Variants in TRIML2 observed in about 807,000 individuals in gnomAD.
The protein encoded by TRIML2 is tripartite motif family like 2.
A neutral mutation model predicts 31.2 loss-of-function variants in TRIML2; 28 were observed. The ratio of observed to expected loss-of-function variants is 0.90; its 90% CI spans 0.66 to 1.23. The LOEUF (loss-of-function observed/expected upper bound fraction) is 1.23, where lower values mean the gene tolerates loss of function less well. Ranked by LOEUF, TRIML2 falls within the 50% of genes most tolerant of loss-of-function variation. The probability of loss-of-function intolerance (pLI) is 0.00; values close to 1 mark genes in which losing one functional copy is unlikely to be tolerated. For missense variants in TRIML2, 536 were observed against 528.3 expected (o/e 1.01, Z -0.14); for synonymous variants, 187 against 197.5 (o/e 0.95, Z 0.45).
Position 188,105,255 on chromosome 4 carries a change from G to T in TRIML2, c.114C>A (p.Cys38Ter), listed in dbSNP as rs766380698. ...LFCDVDQITL[C>*]SKCFQSQEHK... ...GCTCCTGGGACTGGAAGCATTTGCT[G>T]CAGAGTGTGATTTGGTCAACATCAC... Residue 38 changes from cysteine (C) to a stop codon, truncating the protein, a stop_gained, in exon 2 of 8, where the codon TGC becomes TGA. Coordinates refer to ENST00000682553, the MANE Select transcript of TRIML2 (RefSeq NM_173553.4). LOFTEE classifies it high-confidence loss of function. 2.2e-5 allele frequency: 35 copies of T among 1,612,480 alleles called. No homozygotes were observed. Among genetic ancestry groups the T allele is most frequent in the Non-Finnish European group, 2.9e-5 (34 of 1,178,730 alleles).
chr4:188,098,966 T>G, intron 5 of TRIML2, 69 bp downstream of exon 5: 1 of 1,558,748 alleles, frequency 6.4e-7, no homozygotes, highest in Non-Finnish European at 8.8e-7. Flanking sequence ...CAACCCCTAA[T>G]GAGTACTGTC....
intron 5 of TRIML2, 85 bp downstream of exon 5, chr4:188,098,950 T>C: frequency 6.8e-7 from 1 of 1,463,078 alleles, no homozygotes. Flanking sequence ...TATTGTGTTC[T>C]GACAGCAACC....
intron 5 of TRIML2, 197 bp downstream of exon 5, chr4:188,098,838 G>A (rs979388152): frequency 5.2e-6 from 3 of 573,388 alleles, no homozygotes; most frequent in Non-Finnish European, 8.9e-6. Context: ...TTCATCTCAT[G>A]AAGCAGCTCC....
At chr4:188,096,625 T>A (rs974890607) in intron 7 of TRIML2, among the ~76,000 whole-genome samples, 2 of 151,210 alleles carry the variant, frequency 1.3e-5, no homozygotes, top group African/African-American at 4.9e-5. Context: ...ATCTAATATG[T>A]ATAACATATT....
intron 3 of TRIML2, among the ~76,000 whole-genome samples, chr4:188,104,339 T>G (rs1291983242): frequency 6.6e-6 from 1 of 152,132 alleles, no homozygotes; most frequent in East Asian, 1.9e-4. Context: ...AAATTAAATT[T>G]CTAGTCTTTT....
chr4:188,102,837 G>A (rs1369803761), intron 3 of TRIML2, among the ~76,000 whole-genome samples: 3 of 130,696 alleles, frequency 2.3e-5, no homozygotes, highest in Non-Finnish European at 4.8e-5. Context: ...TAACAAGAAC[G>A]AAACTTCATC....
At chr4:188,102,424 A>T (rs1733839662) in intron 3 of TRIML2, among the ~76,000 whole-genome samples, 1 of 152,196 alleles carries the variant, frequency 6.6e-6, no homozygotes, top group Admixed American at 6.5e-5. Flanking sequence ...TTGATTAGTC[A>T]ATTAGACATC....
At chr4:188,106,369 A>G (rs1734040604) in intron 1 of TRIML2, among the ~76,000 whole-genome samples, 1 of 152,218 alleles carries the variant, frequency 6.6e-6, no homozygotes, top group Admixed American at 6.5e-5. Context: ...CTCTTCTAAG[A>G]AGCCATCAAT....
At chr4:188,108,978 T>G (rs1231910994) in intron 1 of TRIML2, among the ~76,000 whole-genome samples, 2 of 152,208 alleles carry the variant, frequency 1.3e-5, no homozygotes, top group Non-Finnish European at 2.9e-5. Context: ...TTGTAAACGA[T>G]ATTTTATGTT....
At chr4:188,098,760 A>C in intron 5 of TRIML2, 1 of 396,406 alleles carries the variant, frequency 2.5e-6, no homozygotes, top group Non-Finnish European at 4.5e-6. Context: ...ATTTCATTGC[A>C]TGGAGGTATT....
At chr4:188,100,111 G>A (rs1733706389) in intron 4 of TRIML2, among the ~76,000 whole-genome samples, 1 of 152,090 alleles carries the variant, frequency 6.6e-6, no homozygotes, top group Non-Finnish European at 1.5e-5. Context: ...ATGCTGAAGA[G>A]TATTCTTCCA....
rs1733973396 is a variant in TRIML2, at chr4:188,105,169, G to A, written c.189+11C>T. 2 of 1,592,488 alleles carry A rather than the reference G, an allele frequency of 1.3e-6. No individual in the cohort carries two copies. The highest frequency in any genetic ancestry group is 2.3e-5 in the East Asian group (1 of 44,266). The stretch of plus-strand genomic sequence containing the variant: ...CCAGAGTGTTTTGGGATTTGCGTGA[G>A]TGACTCTTACCCTGTAATTCTCAGC... On this transcript the variant is annotated intron_variant, in intron 2 of 7. Transcript: ENST00000682553.
chr4:188,106,213 C>G (rs573064357), intron 1 of TRIML2, among the ~76,000 whole-genome samples: 59 of 151,692 alleles, frequency 3.9e-4, no homozygotes, highest in Non-Finnish European at 8.0e-4. Flanking sequence ...CCTCGCCCGG[C>G]TAATTTTTTG....
chr4:188,098,879 A>T, intron 5 of TRIML2, 156 bp downstream of exon 5: 1 of 818,204 alleles, frequency 1.2e-6, no homozygotes, highest in Non-Finnish European at 1.9e-6. Context: ...GACCATTCCT[A>T]AAGCTTTTGG....
At chr4:188,100,311 C>T (rs902909) in intron 4 of TRIML2, among the ~76,000 whole-genome samples, 88,262 of 151,982 alleles carry the variant, frequency 0.58, 27,117 homozygotes, top group East Asian at 0.92. Flanking sequence ...TTAGGGGTCA[C>T]TGTTATATCC....
At chr4:188,093,886 C>CCT (rs1733379424) in intron 7 of TRIML2, among the ~76,000 whole-genome samples, 1 of 151,716 alleles carries the variant, frequency 6.6e-6, no homozygotes, top group African/African-American at 2.4e-5. Context: ...AGGCAGATCA[C>CCT]GAGGTTGGGA....
At chr4:188,104,969 G>C (rs1733963891) in intron 2 of TRIML2, 37 bp from the exon 3 acceptor site, 1 of 1,566,822 alleles carries the variant, frequency 6.4e-7, no homozygotes, top group East Asian at 2.2e-5. Context: ...TGAGATCATT[G>C]ATTTAGAACA....
chr4:188,092,823 T>G (rs1169421719), intron 7 of TRIML2: 2 of 455,808 alleles, frequency 4.4e-6, no homozygotes. Flanking sequence ...TCCTCACACC[T>G]GCATGAATAC....
chr4:188,097,688 G>C (rs1037598717), intron 5 of TRIML2, among the ~76,000 whole-genome samples: 3 of 152,140 alleles, frequency 2.0e-5, no homozygotes, highest in Admixed American at 2.0e-4. Flanking sequence ...TGGCTGGGAG[G>C]GCAGTGGGAG....
Sources: gnomAD v4.1 joint callset for allele counts (sites outside exome capture counted in the v4.1 genomes callset) on GRCh38, gnomAD v4.1.1 for gene constraint, MANE v1.5 for transcripts, NCBI Gene and HGNC (gene_info 2026-07-23, HGNC 2026-07-21) for gene names.